IQCM: variants seen among roughly 807,000 people sequenced by gnomAD.
The protein encoded by IQCM is IQ motif containing M.
IQCM carries 45 observed loss-of-function variants against 57.6 expected under a neutral mutation model. The observed-to-expected ratio is 0.78, with a 90% confidence interval of 0.62 to 1.00. IQCM has a LOEUF of 1.00. Ranked by LOEUF, IQCM falls within the 50% of genes least tolerant of loss-of-function variation. The probability of loss-of-function intolerance (pLI) is 0.00; values close to 1 mark genes in which losing one functional copy is unlikely to be tolerated. For synonymous variants in IQCM, 148 were observed against 158.9 expected, an observed-to-expected ratio of 0.93 and a Z score of 0.51; for missense variants, 468 against 511.6, an observed-to-expected ratio of 0.91 and a Z score of 0.82.
At chr4:149,732,238 T>A (rs1390216148) in intron 5 of IQCM, among the ~76,000 whole-genome samples, 1 of 152,148 alleles carries the variant, frequency 6.6e-6, no homozygotes, top group Non-Finnish European at 1.5e-5. Flanking sequence ...CAAAATTTAT[T>A]TCCTACCACA....
intron 12 of IQCM, among the ~76,000 whole-genome samples, chr4:149,545,878 T>C (rs1190606394): frequency 6.6e-6 from 1 of 152,140 alleles, no homozygotes; most frequent in Non-Finnish European, 1.5e-5. Context: ...TGAAGGTTTG[T>C]CACATATGTA....
At chr4:149,670,473 T>G (rs1362168635) in intron 7 of IQCM, among the ~76,000 whole-genome samples, 1 of 152,186 alleles carries the variant, frequency 6.6e-6, no homozygotes, top group Non-Finnish European at 1.5e-5. Context: ...CTTTATTTCT[T>G]TATCCTGCCT....
intron 2 of IQCM, among the ~76,000 whole-genome samples, chr4:149,813,310 T>C (rs1449939403): frequency 6.6e-6 from 1 of 152,038 alleles, no homozygotes; most frequent in Non-Finnish European, 1.5e-5. Flanking sequence ...TAGGGTAATA[T>C]AAAATATTGA....
At chr4:149,673,920 A>G (rs1761529476) in intron 7 of IQCM, among the ~76,000 whole-genome samples, 1 of 152,150 alleles carries the variant, frequency 6.6e-6, no homozygotes, top group Admixed American at 6.6e-5. Context: ...AATACGTATG[A>G]GCCATGAAAG....
chr4:149,374,998 T>G (rs932353774), intron 13 of IQCM, among the ~76,000 whole-genome samples: 5 of 132,422 alleles, frequency 3.8e-5, no homozygotes, highest in African/African-American at 1.3e-4. Context: ...TGTGTGTGTG[T>G]TGTGTGTGTG....
chr4:149,571,289 C>T (rs1017521760), intron 9 of IQCM, among the ~76,000 whole-genome samples: 2 of 151,986 alleles, frequency 1.3e-5, no homozygotes, highest in African/African-American at 4.8e-5. Context: ...AGTATATATA[C>T]ACAATGGAAT....
intron 2 of IQCM, among the ~76,000 whole-genome samples, chr4:149,802,138 T>C (rs1156462248): frequency 6.6e-6 from 1 of 151,842 alleles, no homozygotes; most frequent in Non-Finnish European, 1.5e-5. Flanking sequence ...TGGCAGCCAA[T>C]ATGTAAAAGT....
At chr4:149,474,652 G>A (rs1238466172) in intron 12 of IQCM, among the ~76,000 whole-genome samples, 1 of 151,952 alleles carries the variant, frequency 6.6e-6, no homozygotes, top group Non-Finnish European at 1.5e-5. Flanking sequence ...GGGAGGCAGA[G>A]GTTGCAGTGA....
chr4:149,386,344 A>G lies in IQCM; in HGVS notation c.1391-34278T>C, dbSNP rs1166794248. Among the ~76,000 whole-genome samples, 4 of 152,090 alleles carry G rather than the reference A, an allele frequency of 2.6e-5. No homozygotes were observed. The East Asian group carries it at 5.8e-4, about 22-fold the overall frequency. ...AATCACAATTATTTTTCAAACACAA[A>G]GTATAGAGAATATGTAACAAACTCC... On this transcript the variant is annotated intron_variant, in intron 13 of 13. Transcript: ENST00000636793.
intron 12 of IQCM, among the ~76,000 whole-genome samples, chr4:149,486,301 C>T (rs1741505047): frequency 6.6e-6 from 1 of 152,072 alleles, no homozygotes; most frequent in African/African-American, 2.4e-5. Flanking sequence ...AAAACCTTAG[C>T]ATTTTACTTG....
At chr4:149,445,467 A>T (rs547963494) in intron 12 of IQCM, among the ~76,000 whole-genome samples, 5 of 151,858 alleles carry the variant, frequency 3.3e-5, no homozygotes, top group Non-Finnish European at 5.9e-5. Flanking sequence ...ATTGAAGTCA[A>T]TATAATAAAC....
chr4:149,563,254 A>G (rs1750299911), intron 10 of IQCM, among the ~76,000 whole-genome samples: 1 of 152,226 alleles, frequency 6.6e-6, no homozygotes, highest in African/African-American at 2.4e-5. Context: ...CAGACAGCAA[A>G]GAAGAAACAA....
rs972510532 is a variant in IQCM, at chr4:149,674,537, A to G, written c.565+7581T>C. On this transcript the variant is annotated intron_variant, in intron 7 of 13. Coordinates refer to ENST00000636793, the MANE Select transcript of IQCM (RefSeq NM_001363507.2). ...AGGTCTGGAGGATGTGGCTATGCCT[A>G]TGACAGAGTAGTCAGGGATGGCCTT... Among the ~76,000 whole-genome samples the G allele has an allele frequency of 9.9e-5, 15 of 152,124 alleles. 1 individual carries two copies. Among genetic ancestry groups the G allele is most frequent in the African/African-American group, 3.6e-4 (15 of 41,440 alleles).
intron 9 of IQCM, among the ~76,000 whole-genome samples, chr4:149,585,029 T>C (rs1752529110): frequency 6.6e-6 from 1 of 151,706 alleles, no homozygotes; most frequent in Non-Finnish European, 1.5e-5. Flanking sequence ...CCAGTCCTAT[T>C]TGCCAACTGT....
At chr4:149,783,057 G>C (rs77825256) in intron 2 of IQCM, among the ~76,000 whole-genome samples, 6,591 of 152,144 alleles carry the variant, frequency 0.043, 524 homozygotes, top group East Asian at 0.22. Flanking sequence ...CTTGTCTGAT[G>C]GTTCTTAAAT....
chr4:149,669,040 T>C (rs552758912), intron 7 of IQCM, among the ~76,000 whole-genome samples: 1 of 152,182 alleles, frequency 6.6e-6, no homozygotes, highest in South Asian at 2.1e-4. Flanking sequence ...AAACACTTAC[T>C]CAACTGATAG....
At chr4:149,745,228 C>G (rs1767815910) in intron 2 of IQCM, among the ~76,000 whole-genome samples, 1 of 152,098 alleles carries the variant, frequency 6.6e-6, no homozygotes, top group Non-Finnish European at 1.5e-5. Flanking sequence ...AGTTGTGTGT[C>G]TGTTTGATTT....
At chr4:149,412,209 G>C (rs1011999074) in intron 13 of IQCM, among the ~76,000 whole-genome samples, 13 of 151,984 alleles carry the variant, frequency 8.6e-5, no homozygotes, top group African/African-American at 3.1e-4. Flanking sequence ...TGGTCTAATA[G>C]TTATATCTTT....
At chr4:149,412,713 C>A (rs572648087) in intron 13 of IQCM, among the ~76,000 whole-genome samples, 6 of 152,128 alleles carry the variant, frequency 3.9e-5, no homozygotes, top group Non-Finnish European at 8.8e-5. Context: ...TTCAAAATGT[C>A]TGAATAATGG....
Sources: allele counts gnomAD v4.1 joint callset (sites outside exome capture counted in the v4.1 genomes callset), GRCh38; gene constraint gnomAD v4.1.1; transcripts MANE v1.5; gene names NCBI Gene and HGNC (gene_info 2026-07-23, HGNC 2026-07-21).